Variants in GRIK3 observed in about 807,000 individuals in gnomAD.
The protein encoded by GRIK3 is glutamate ionotropic receptor kainate type subunit 3, also known as glutamate receptor ionotropic, kainate 3.
In GRIK3, 29 loss-of-function variants were observed where a neutral mutation model predicts 102.5. The observed-to-expected ratio is 0.28, with a 90% CI of 0.21 to 0.39. GRIK3 has a LOEUF of 0.39. Among genes scored for constraint, GRIK3 ranks in the 10% least tolerant of loss-of-function variants. The probability of loss-of-function intolerance (pLI) is 1.00; values close to 1 mark genes in which losing one functional copy is unlikely to be tolerated. For synonymous variants in GRIK3, 511 were observed against 504.9 expected (o/e 1.01, Z -0.16); for missense variants, 908 against 1,252.4 (o/e 0.73, Z 4.15).
At chr1:36,985,619 G>A (rs1481814556) in intron 1 of GRIK3, among the ~76,000 whole-genome samples, 2 of 152,196 alleles carry the variant, frequency 1.3e-5, no homozygotes, top group Non-Finnish European at 2.9e-5. Context: ...TGTGGCAGTG[G>A]GATGATCTTT....
chr1:36,958,118 G>C (rs1287703699), intron 1 of GRIK3, among the ~76,000 whole-genome samples: 2 of 131,272 alleles, frequency 1.5e-5, no homozygotes, highest in Non-Finnish European at 3.2e-5. Flanking sequence ...CCGTGAGTCT[G>C]TGTCCCATGA....
intron 10 of GRIK3, among the ~76,000 whole-genome samples, chr1:36,828,148 C>T (rs766560330): frequency 6.6e-6 from 1 of 151,466 alleles, no homozygotes; most frequent in Non-Finnish European, 1.5e-5. Context: ...CATGGAGCTT[C>T]CAGTTAGTGA....
At chr1:36,942,480 G>A (rs16823687) in intron 1 of GRIK3, among the ~76,000 whole-genome samples, 29,931 of 152,152 alleles carry the variant, frequency 0.2, 3,160 homozygotes, top group Middle Eastern at 0.28. Context: ...CAAACCTCCC[G>A]TGAATTCCAG....
intron 1 of GRIK3, among the ~76,000 whole-genome samples, chr1:36,970,290 T>C (rs939759481): frequency 1.3e-5 from 2 of 152,206 alleles, no homozygotes; most frequent in African/African-American, 4.8e-5. Context: ...CCGTATGTCT[T>C]CCACAGGTGA....
intron 14 of GRIK3, among the ~76,000 whole-genome samples, chr1:36,805,838 A>G (rs2124177334): frequency 6.9e-6 from 1 of 145,298 alleles, no homozygotes; most frequent in East Asian, 2.2e-4. Context: ...CGGGAGGCTG[A>G]GGCAGGAGAA....
chr1:36,796,829 G>A lies in GRIK3; in HGVS notation c.*5022C>T, dbSNP rs1364923743. 6.6e-6 allele frequency: 1 copy of A among 152,140 alleles called. No homozygotes were observed. Among genetic ancestry groups the A allele is most frequent in the Non-Finnish European group, 1.5e-5 (1 of 68,016 alleles). The allele number at this position is 152,140 out of a possible 1,614,324, so 9.4% of individuals were successfully genotyped here. A position where few individuals can be genotyped will look rare whatever the true frequency, so the allele number is the denominator to read the frequency against. On this transcript the variant is annotated 3_prime_UTR_variant, in exon 16 of 16. Coordinates refer to ENST00000373091, the MANE Select transcript of GRIK3 (RefSeq NM_000831.4). ...AACCTACCTGTGATTCTGCAGGCAG[G>A]TGTGAGAACAGGCCTGGGGAGTGGC...
rs1207471111 is a variant in GRIK3, at chr1:36,817,093, A to G, written c.2058T>C (p.Ala686=). ...AGGTCATGGTGGCCCCATCCTTGAC[A>G]GCCCCATACTCGATTTTGGTTTGCT... is the stretch of plus-strand genomic sequence containing the variant. ...LAKQTKIEYG[A]VKDGATMTFF... is the part of the protein sequence containing the mutation. The change falls in exon 13 of 16, where the codon GCT becomes GCC. Residue 686 remains alanine (A), a synonymous_variant. Transcript: ENST00000373091. The G allele has an allele frequency of 6.2e-7, 1 of 1,614,058 alleles. No homozygotes were observed.
intron 10 of GRIK3, among the ~76,000 whole-genome samples, chr1:36,839,031 C>T (rs1640416699): frequency 6.6e-6 from 1 of 152,184 alleles, no homozygotes; most frequent in Non-Finnish European, 1.5e-5. Context: ...TTAGGGAGAT[C>T]AGGCTGATGC....
At chr1:36,853,937 C>T (rs2124231723) in intron 7 of GRIK3, among the ~76,000 whole-genome samples, 1 of 152,322 alleles carries the variant, frequency 6.6e-6, no homozygotes, top group Admixed American at 6.5e-5. Context: ...TTTACATTTG[C>T]ACCTTCTCGT....
intron 3 of GRIK3, among the ~76,000 whole-genome samples, chr1:36,877,656 G>A (rs1227153944): frequency 1.3e-5 from 2 of 152,142 alleles, no homozygotes; most frequent in Non-Finnish European, 2.9e-5. Flanking sequence ...CCCCTAGCCA[G>A]GCTGTCCTCT....
Position 36,819,606 on chromosome 1 carries a change from C to T in GRIK3, c.1873+130G>A. 1 of 644,328 alleles carries T rather than the reference C, an allele frequency of 1.6e-6. No homozygotes were observed. The highest frequency in any genetic ancestry group is 1.8e-5 in the African/African-American group (1 of 55,658). 39.9% of individuals were successfully genotyped at this position (644,328 alleles called of 1,614,324 possible). A position where few individuals can be genotyped will look rare whatever the true frequency, so the allele number is the denominator to read the frequency against. On this transcript the variant is annotated intron_variant, in intron 12 of 15. Transcript: ENST00000373091. The surrounding 1 kb of genome is among the most constrained non-coding windows in gnomAD (Gnocchi z 4.1). ...ACCTGGGTATCTCGATGTCTCCAAA[C>T]TTCTGCCGGCTCATCAGGGTCTGAG...
chr1:36,883,770 G>T (rs1476746000), intron 2 of GRIK3, among the ~76,000 whole-genome samples: 1 of 152,206 alleles, frequency 6.6e-6, no homozygotes, highest in Non-Finnish European at 1.5e-5. Context: ...CTTAAGGATG[G>T]TCCAGATTGA....
intron 1 of GRIK3, among the ~76,000 whole-genome samples, chr1:36,980,853 G>A (rs74929736): frequency 0.031 from 4,780 of 152,218 alleles, 253 homozygotes; most frequent in African/African-American, 0.11. Context: ...CCTGGAAACC[G>A]TGAGAGAACT....
intron 10 of GRIK3, among the ~76,000 whole-genome samples, chr1:36,840,519 T>C (rs1640432897): frequency 7.4e-6 from 1 of 135,334 alleles, no homozygotes; most frequent in East Asian, 2.2e-4. Context: ...TTGAGAACAG[T>C]CTGGACAACA....
Position 36,806,449 on chromosome 1 carries a change from A to G in GRIK3, c.2092-123T>C, listed in dbSNP as rs75166663. On this transcript the variant is annotated intron_variant, in intron 13 of 15. Transcript: ENST00000373091. This position sits in a 1 kb window ranked among gnomAD's most constrained non-coding sequence, Gnocchi z 4.0. ...TCGGTCTACAATCTTCAGAGAAAGG[A>G]AGTGCTACACGGTGCTCAGATATAG... is the stretch of plus-strand genomic sequence containing the variant. The G allele has an allele frequency of 5.2e-3, 3,261 of 627,310 alleles. 73 individuals carry two copies. Among genetic ancestry groups the G allele is most frequent in the African/African-American group, 0.049 (2,693 of 54,810 alleles). 38.9% of individuals were successfully genotyped at this position (627,310 alleles called of 1,614,324 possible).
chr1:36,947,530 C>G (rs896013081), intron 1 of GRIK3, among the ~76,000 whole-genome samples: 1 of 152,168 alleles, frequency 6.6e-6, no homozygotes, highest in Non-Finnish European at 1.5e-5. Context: ...CCCCACCTTC[C>G]TGCCCTCCCT....
At chr1:36,958,535 C>T (rs528677) in intron 1 of GRIK3, among the ~76,000 whole-genome samples, 9,509 of 144,826 alleles carry the variant, frequency 0.066, 590 homozygotes, top group African/African-American at 0.17. Context: ...CTGTGTGTCC[C>T]GTGAGCCTGT....
chr1:36,846,933 A>T (rs1028334335), intron 9 of GRIK3, among the ~76,000 whole-genome samples: 19 of 152,318 alleles, frequency 1.2e-4, no homozygotes, highest in African/African-American at 4.3e-4. Context: ...CACATCCTCT[A>T]TCCCCATCAG....
rs191845285 is a variant in GRIK3 at position 36,934,540 on chromosome 1, A to G, written c.116-43444T>C. On this transcript the variant is annotated intron_variant, in intron 1 of 15. Transcript: ENST00000373091. ...GCCAACTCTTATCTCTCAGGTCTCAACTCAAATGTCACATCTTCAGATAAG... is the reference window on the plus strand; with the variant it reads ...GCCAACTCTTATCTCTCAGGTCTCAGCTCAAATGTCACATCTTCAGATAAG... Among the ~76,000 whole-genome samples the G allele has an allele frequency of 2.0e-5, 3 of 152,236 alleles. No homozygotes were observed. In the East Asian group the frequency reaches 5.8e-4, roughly 29 times the overall value.
Sources: allele counts gnomAD v4.1 joint callset (sites outside exome capture counted in the v4.1 genomes callset), GRCh38; gene constraint gnomAD v4.1.1; non-coding constraint Gnocchi (gnomAD v3.1); transcripts MANE v1.5; gene names NCBI Gene and HGNC (gene_info 2026-07-23, HGNC 2026-07-21).